The following RS1 variants were observed in gnomAD, a reference collection of about 807,000 sequenced individuals.
RS1 encodes retinoschisin.
Under a neutral mutation model 20.8 loss-of-function variants are expected in RS1, and 2 were observed. The observed-to-expected ratio is 0.10, with a 90% CI of 0.04 to 0.30. The LOEUF (loss-of-function observed/expected upper bound fraction) is 0.30, where lower values mean the gene tolerates loss of function less well. Ranked by LOEUF, RS1 falls within the 10% of genes least tolerant of loss-of-function variation. The pLI is 1.00. For synonymous variants in RS1, 70 were observed against 75.8 expected (o/e 0.92, Z 0.40); for missense variants, 151 against 189.8 (o/e 0.80, Z 1.20).
intron 2 of RS1, among the ~76,000 whole-genome samples, chrX:18,657,206 C>G (rs1409773590): frequency 2.6e-5 from 2 of 76,674 alleles, no homozygotes; most frequent in Non-Finnish European, 5.2e-5. Flanking sequence ...TCACCATCAC[C>G]AAAAAAAATA....
At chrX:18,654,412 A>G (rs1315578267) in intron 3 of RS1, among the ~76,000 whole-genome samples, 1 of 111,697 alleles carries the variant, frequency 9.0e-6, no homozygotes, top group African/African-American at 3.3e-5. Context: ...GCCAATCCAC[A>G]TAAACAATGT....
At chrX:18,644,293 T>C in intron 5 of RS1, 137 bp downstream of exon 5, 1 of 586,819 alleles carries the variant, frequency 1.7e-6, no homozygotes, top group East Asian at 3.4e-5. Context: ...GCACAGCACA[T>C]TGTGGGGGAA....
At chrX:18,653,545 C>T (rs1432106574) in intron 3 of RS1, 1 of 1,211,366 alleles carries the variant, frequency 8.3e-7, no homozygotes, top group South Asian at 1.8e-5. Flanking sequence ...GGGCAAGTGA[C>T]TTCTGCAAGC....
chrX:18,641,712 C>A lies in RS1; in HGVS notation c.*292G>T, dbSNP rs1376988375. On this transcript the variant is annotated 3_prime_UTR_variant, in exon 6 of 6. Transcript: ENST00000379984. The stretch of plus-strand genomic sequence containing the variant: ...TGCACCTTTCACAGTATCACTGAGA[C>A]AAAAAATGAGCAGAAAATTACCCCT... The A allele has an allele frequency of 2.9e-6, 1 of 341,622 alleles. No individual in the cohort carries two copies. Among genetic ancestry groups the A allele is most frequent in the South Asian group, 4.0e-5 (1 of 24,763 alleles). 28.2% of individuals were successfully genotyped at this position (341,622 alleles called of 1,213,427 possible). A position where few individuals can be genotyped will look rare whatever the true frequency, so the allele number is the denominator to read the frequency against.
At chrX:18,656,885 A>T in intron 2 of RS1, 127 bp from the exon 3 acceptor site, 2 of 544,636 alleles carry the variant, frequency 3.7e-6, no homozygotes, top group South Asian at 4.7e-5. Context: ...GGCCAAATTG[A>T]GCTATTAATC....
chrX:18,670,337 C>T (rs1054870053), intron 1 of RS1, among the ~76,000 whole-genome samples: 23 of 108,182 alleles, frequency 2.1e-4, no homozygotes, highest in African/African-American at 6.7e-4. Context: ...ACGATTCTCC[C>T]GCTTCAGCCT....
Position 18,653,654 on chromosome X carries a change from G to C in RS1, c.184+2999C>G. ...ACGCTGAGGTTGAGTTTTCCTTTCT[G>C]AAAATATCTGTGTTGTTAAGATCAA... On this transcript the variant is annotated intron_variant, in intron 3 of 5. Coordinates refer to ENST00000379984, the MANE Select transcript of RS1 (RefSeq NM_000330.4). The C allele has an allele frequency of 2.1e-5, 22 of 1,035,914 alleles. No homozygotes were observed. The South Asian group carries it at 4.4e-4, about 21-fold the overall frequency. The allele number at this position is 1,035,914 out of a possible 1,213,427, so 85.4% of individuals were successfully genotyped here. A position where few individuals can be genotyped will look rare whatever the true frequency, so the allele number is the denominator to read the frequency against.
chrX:18,671,146 G>A (rs1413115226), intron 1 of RS1, among the ~76,000 whole-genome samples: 2 of 111,734 alleles, frequency 1.8e-5, no homozygotes, highest in Non-Finnish European at 3.8e-5. Flanking sequence ...TGTGAGTTTC[G>A]CTGTGTCTGT....
At chrX:18,662,629 C>CTT (rs765805571) in intron 1 of RS1, among the ~76,000 whole-genome samples, 5 of 98,705 alleles carry the variant, frequency 5.1e-5, no homozygotes, top group Admixed American at 3.4e-4. Flanking sequence ...TGAACTCATC[C>CTT]TTTTTTTTTT....
intron 5 of RS1, among the ~76,000 whole-genome samples, 171 bp from the exon 6 acceptor site, chrX:18,642,327 C>T (rs1365876315): frequency 1.8e-5 from 2 of 112,080 alleles, no homozygotes; most frequent in Non-Finnish European, 3.8e-5. Context: ...ATCACACCTA[C>T]ATGCTTGGGA....
chrX:18,650,279 G>A (rs1161912974), intron 3 of RS1: 2 of 589,944 alleles, frequency 3.4e-6, no homozygotes, highest in East Asian at 3.4e-5. Context: ...GTGTCCAGAC[G>A]TGGATGCTGT....
chrX:18,649,349 C>G (rs1174649669), intron 3 of RS1, among the ~76,000 whole-genome samples: 1 of 111,841 alleles, frequency 8.9e-6, no homozygotes, highest in Non-Finnish European at 1.9e-5. Flanking sequence ...ATCCTCCCAC[C>G]TCATTCTCCT....
Position 18,640,427 on chromosome X carries a change from T to TACC in RS1, c.*1576_*1577insGGT, listed in dbSNP as rs1927525424. Reference sequence around the variant, plus strand: ...CCTGTGTCCTAAGGCCAGGGATAAGTCCCCCCACCCCCCCCCCCCACCCCC... The same window carrying TACC: ...CCTGTGTCCTAAGGCCAGGGATAAGTACCCCCCCCACCCCCCCCCCCCACCCCC... On this transcript the variant is annotated 3_prime_UTR_variant, in exon 6 of 6. Coordinates refer to ENST00000379984, the MANE Select transcript of RS1 (RefSeq NM_000330.4). The TACC allele has an allele frequency of 3.2e-5, 1 of 31,595 alleles. No homozygotes were observed. Among genetic ancestry groups the TACC allele is most frequent in the South Asian group, 2.0e-3 (1 of 504 alleles). 2.6% of individuals were successfully genotyped at this position (31,595 alleles called of 1,213,427 possible).
chrX:18,646,673 T>G (rs1169077254), intron 4 of RS1, among the ~76,000 whole-genome samples: 1 of 111,417 alleles, frequency 9.0e-6, no homozygotes, highest in Non-Finnish European at 1.9e-5. Context: ...CACTTGTGCT[T>G]CAGGCTTGCT....
At chrX:18,658,548 T>C (rs111839535) in intron 1 of RS1, among the ~76,000 whole-genome samples, 20 of 110,225 alleles carry the variant, frequency 1.8e-4, no homozygotes, top group Non-Finnish European at 7.6e-5. Context: ...CTCCGCCTCC[T>C]GGGTTCAAGC....
chrX:18,641,615 T>G lies in RS1; in HGVS notation c.*389A>C. The G allele has an allele frequency of 5.6e-6, 1 of 178,689 alleles. No homozygotes were observed. The highest frequency in any genetic ancestry group is 1.1e-5 in the Non-Finnish European group (1 of 95,003). 14.7% of individuals were successfully genotyped at this position (178,689 alleles called of 1,213,427 possible). A position where few individuals can be genotyped will look rare whatever the true frequency, so the allele number is the denominator to read the frequency against. The stretch of plus-strand genomic sequence containing the variant: ...CAAAGCCAGGCTTTAGGAAACTGTA[T>G]GTTTCTGTCTTGAATGTGGTAAAGC... On this transcript the variant is annotated 3_prime_UTR_variant, in exon 6 of 6. Coordinates refer to ENST00000379984, the MANE Select transcript of RS1 (RefSeq NM_000330.4).
rs977255187 is a variant in RS1, at chrX:18,649,982, C to T, written c.185-2650G>A. The T allele has an allele frequency of 2.6e-5, 5 of 192,322 alleles. 1 individual carries two copies. The highest frequency in any genetic ancestry group is 1.3e-4 in the Admixed American group (2 of 15,055). The allele number at this position is 192,322 out of a possible 1,213,427, so 15.8% of individuals were successfully genotyped here. On this transcript the variant is annotated intron_variant, in intron 3 of 5. Coordinates refer to ENST00000379984, the MANE Select transcript of RS1 (RefSeq NM_000330.4). ...CTTTTTGTTTTCCACCCCCACCCGC[C>T]GCCGCCGCCCCGCTCAGGGCTACTA...
At chrX:18,662,828 T>G (rs1285850654) in intron 1 of RS1, among the ~76,000 whole-genome samples, 56 of 109,562 alleles carry the variant, frequency 5.1e-4, no homozygotes, top group African/African-American at 1.7e-3. Flanking sequence ...GGGGTTTCAC[T>G]GTGTTAGCCA....
intron 5 of RS1, 71 bp from the exon 6 acceptor site, chrX:18,642,227 G>T: frequency 9.1e-7 from 1 of 1,093,698 alleles, no homozygotes; most frequent in Non-Finnish European, 1.3e-6. Context: ...CCTTTCTGGA[G>T]CTAGCCCCAA....
Sources: allele counts gnomAD v4.1 joint callset (sites outside exome capture counted in the v4.1 genomes callset), GRCh38; gene constraint gnomAD v4.1.1; transcripts MANE v1.5; gene names NCBI Gene and HGNC (gene_info 2026-07-23, HGNC 2026-07-21).